The following GSR variants were observed in gnomAD, a reference collection of about 807,000 sequenced individuals.
The protein encoded by GSR is glutathione reductase, mitochondrial.
Under a neutral mutation model 56.5 loss-of-function variants are expected in GSR, and 48 were observed. The observed-to-expected ratio is 0.85, with a 90% CI of 0.67 to 1.08. The LOEUF (loss-of-function observed/expected upper bound fraction) is 1.08, where lower values mean the gene tolerates loss of function less well. Among genes scored for constraint, GSR ranks in the 50% least tolerant of loss-of-function variants. The pLI is 0.00. For missense variants in GSR, 694 were observed against 703.3 expected, an observed-to-expected ratio of 0.99 and a Z score of 0.15; for synonymous variants, 264 against 270.8, an observed-to-expected ratio of 0.97 and a Z score of 0.25.
At chr8:30,717,629 A>G (rs1240286866) in intron 1 of GSR, among the ~76,000 whole-genome samples, 1 of 151,642 alleles carries the variant, frequency 6.6e-6, no homozygotes, top group Non-Finnish European at 1.5e-5. Context: ...TAGGTTGCAC[A>G]CTCCTTATGA....
chr8:30,693,037 A>C lies in GSR; in HGVS notation c.814T>G (p.Ser272Ala), dbSNP rs922732915. Reference sequence around the variant, plus strand: ...TCCGTGCAGTTGGTGCTGATCATTGAATCAAAACTTCTAAGTACCTGCATA... The same window carrying C: ...TCCGTGCAGTTGGTGCTGATCATTGCATCAAAACTTCTAAGTACCTGCATA... ...RHDKVLRSFD[S>A]MISTNCTEEL... The change falls in exon 8 of 13, where the codon TCA becomes GCA. Residue 272 changes from serine (S) to alanine (A), a missense_variant. Ser to Ala is a moderately conservative substitution (Grantham distance 99, BLOSUM62 1). Coordinates refer to ENST00000221130, the MANE Select transcript of GSR (RefSeq NM_000637.5). The C allele has an allele frequency of 1.1e-5, 18 of 1,610,208 alleles. No individual in the cohort carries two copies. The highest frequency in any genetic ancestry group is 1.7e-5 in the Admixed American group (1 of 59,988).
intron 1 of GSR, among the ~76,000 whole-genome samples, chr8:30,719,306 C>T (rs1008125868): frequency 2.4e-4 from 36 of 151,148 alleles, no homozygotes; most frequent in African/African-American, 7.1e-4. Flanking sequence ...TTAGTAGAGA[C>T]GGAGTTTCAC....
intron 4 of GSR, among the ~76,000 whole-genome samples, chr8:30,705,131 T>TA (rs201274639): frequency 1.2e-3 from 166 of 144,246 alleles, no homozygotes; most frequent in South Asian, 2.6e-3. Flanking sequence ...TCAGCTCCAT[T>TA]AAAAAAAAAA....
rs150594097 is a variant in GSR, at chr8:30,708,125, G to A, written c.439C>T (p.Arg147Trp). 152 of 1,611,812 alleles carry A rather than the reference G, an allele frequency of 9.4e-5. No homozygotes were observed. The highest frequency in any genetic ancestry group is 1.3e-4 in the Admixed American group (8 of 59,966). The part of the protein sequence containing the change: ...KFNWRVIKEK[R>W]DAYVSRLNAI... Reference sequence around the variant, plus strand: ...TTCAGGCGGCTCACATAGGCATCCCGCTTTTCCTTAATAACACTGCAATGA... The same window carrying A: ...TTCAGGCGGCTCACATAGGCATCCCACTTTTCCTTAATAACACTGCAATGA... The change falls in exon 4 of 13, where the codon CGG (arginine) becomes TGG (tryptophan). Residue 147 changes from arginine (R) to tryptophan (W), a missense_variant. Coordinates refer to ENST00000221130, the MANE Select transcript of GSR (RefSeq NM_000637.5).
At chr8:30,712,837 T>C (rs1187973897) in intron 1 of GSR, among the ~76,000 whole-genome samples, 1 of 152,180 alleles carries the variant, frequency 6.6e-6, no homozygotes, top group East Asian at 1.9e-4. Context: ...TTAGATCTCA[T>C]AAAATGACTT....
At chr8:30,712,009 G>T in intron 2 of GSR, 53 bp downstream of exon 2, 2 of 985,776 alleles carry the variant, frequency 2.0e-6, no homozygotes, top group South Asian at 1.4e-5. Context: ...TTTTGATTAT[G>T]ATTTACCAAA....
chr8:30,713,948 G>A (rs758728670), intron 1 of GSR, among the ~76,000 whole-genome samples: 52 of 152,152 alleles, frequency 3.4e-4, no homozygotes, highest in Non-Finnish European at 7.1e-4. Context: ...GTTATACATT[G>A]AGTCTGTGGA....
intron 5 of GSR, among the ~76,000 whole-genome samples, chr8:30,702,764 C>T (rs973858267): frequency 6.6e-6 from 1 of 152,144 alleles, no homozygotes; most frequent in African/African-American, 2.4e-5. Context: ...TGATGAAACC[C>T]CATCTCTACT....
At chr8:30,693,328 C>A (rs993707007) in intron 7 of GSR, among the ~76,000 whole-genome samples, 18 of 152,130 alleles carry the variant, frequency 1.2e-4, no homozygotes, top group Admixed American at 2.0e-4. Context: ...CTTCTCTTTT[C>A]CTTAAGTCCA....
intron 6 of GSR, among the ~76,000 whole-genome samples, chr8:30,699,234 C>T (rs942717695): frequency 1.3e-5 from 2 of 151,844 alleles, no homozygotes; most frequent in Non-Finnish European, 2.9e-5. Context: ...AAGGCTACCA[C>T]AAGCCATGAT....
At chr8:30,718,897 A>G (rs906925147) in intron 1 of GSR, among the ~76,000 whole-genome samples, 2 of 146,780 alleles carry the variant, frequency 1.4e-5, no homozygotes, top group Non-Finnish European at 3.0e-5. Context: ...GGCACGCACC[A>G]CTATGCCCTG....
At chr8:30,701,959 C>T (rs780928097) in intron 5 of GSR, among the ~76,000 whole-genome samples, 5 of 152,032 alleles carry the variant, frequency 3.3e-5, no homozygotes, top group South Asian at 2.1e-4. Flanking sequence ...CCCATCTAAA[C>T]GTCCTGGTCA....
chr8:30,709,906 T>TTAAAAAAAAA lies in GSR; in HGVS notation c.334-5_334-4insTTTTTTTTTA. 1.0e-6 allele frequency: 1 copy of TTAAAAAAAAA among 999,714 alleles called. No homozygotes were observed. The highest frequency in any genetic ancestry group is 2.4e-5 in the African/African-American group (1 of 41,950). 61.9% of individuals were successfully genotyped at this position (999,714 alleles called of 1,614,324 possible). ...GGACAGCTGTGTTCCACATTACCTG[T>TTAAAAAAAAA]AAAAAAAAAAAAAAAAAAGGATCCA... is the stretch of plus-strand genomic sequence containing the variant. On this transcript the variant is annotated splice_region_variant and splice_polypyrimidine_tract_variant and intron_variant, in intron 2 of 12. Transcript: ENST00000221130.
intron 4 of GSR, among the ~76,000 whole-genome samples, chr8:30,704,273 C>T (rs1388569054): frequency 6.6e-6 from 1 of 151,670 alleles, no homozygotes; most frequent in African/African-American, 2.4e-5. Context: ...TGCAGTGAGC[C>T]GAGATTACGC....
intron 4 of GSR, among the ~76,000 whole-genome samples, chr8:30,703,885 AAAG>A (rs1803833444): frequency 6.6e-6 from 1 of 151,872 alleles, no homozygotes; most frequent in African/African-American, 2.4e-5. Flanking sequence ...GAAGGAGGAA[AAAG>A]AAGAAGAAAT....
chr8:30,687,976 G>A (rs1803219802), intron 9 of GSR, among the ~76,000 whole-genome samples: 1 of 152,166 alleles, frequency 6.6e-6, no homozygotes, highest in Non-Finnish European at 1.5e-5. Flanking sequence ...TATGTTGTAA[G>A]AACTAAGGTT....
Position 30,706,395 on chromosome 8 carries a change from C to T in GSR, c.492+1677G>A, listed in dbSNP as rs575175558. 8.1e-4 allele frequency among the ~76,000 whole-genome samples: 122 copies of T among 151,434 alleles called. 3 individuals carry two copies. The South Asian group carries it at 0.023, about 29-fold the overall frequency. On this transcript the variant is annotated intron_variant, in intron 4 of 12. Coordinates refer to ENST00000221130, the MANE Select transcript of GSR (RefSeq NM_000637.5). The stretch of plus-strand genomic sequence containing the variant: ...GCACGTGCCTGTAGTCCCAGCTACT[C>T]GGGAGGCTGAGGCACAAGAATTGCT...
rs368709638 is a variant in GSR at position 30,681,985 on chromosome 8, G to T, written c.1230C>A (p.Asn410Lys). 2.5e-5 allele frequency: 41 copies of T among 1,612,990 alleles called. No homozygotes were observed. Among genetic ancestry groups the T allele is most frequent in the Non-Finnish European group, 3.1e-5 (36 of 1,179,054 alleles). The change falls in exon 11 of 13, where the codon AAC becomes AAA. Residue 410 changes from asparagine to lysine, a missense_variant. By Grantham distance (94) the Asn-to-Lys change is moderately conservative. Transcript: ENST00000221130. ...YKEDSKLDYN[N>K]IPTVVFSHPP... is the part of the protein sequence containing the mutation. The stretch of plus-strand genomic sequence containing the variant: ...GGTGGCTGAAGACCACAGTTGGGAT[G>T]TTGTTATAATCTAATTTGGAATCTT...
chr8:30,700,152 A>C lies in GSR; in HGVS notation c.641-17T>G, dbSNP rs1308676096. The C allele has an allele frequency of 6.3e-7, 1 of 1,577,248 alleles. No individual in the cohort carries two copies. The highest frequency in any genetic ancestry group is 8.7e-7 in the Non-Finnish European group (1 of 1,146,640). Reference sequence around the variant, plus strand: ...AGCTGGCACCTATGTAGAAAAAGGCAACATAGATCACACAAGACTGCTCTT... The same window carrying C: ...AGCTGGCACCTATGTAGAAAAAGGCCACATAGATCACACAAGACTGCTCTT... On this transcript the variant is annotated splice_polypyrimidine_tract_variant and intron_variant, in intron 5 of 12. Transcript: ENST00000221130.
Sources: allele counts gnomAD v4.1 joint callset (sites outside exome capture counted in the v4.1 genomes callset), GRCh38; gene constraint gnomAD v4.1.1; transcripts MANE v1.5; gene names NCBI Gene and HGNC (gene_info 2026-07-23, HGNC 2026-07-21).